The following CNTNAP4 variants were observed in gnomAD, a reference collection of about 807,000 sequenced individuals.
CNTNAP4 encodes contactin associated protein family member 4.
Under a neutral mutation model 148.4 loss-of-function variants are expected in CNTNAP4, and 98 were observed. The ratio of observed to expected loss-of-function variants is 0.66; its 90% CI spans 0.56 to 0.78. CNTNAP4 has a LOEUF of 0.78. CNTNAP4 is among the 30% of genes least tolerant of loss of function. The probability of loss-of-function intolerance (pLI) is 0.00; values close to 1 mark genes in which losing one functional copy is unlikely to be tolerated. For synonymous variants in CNTNAP4, 730 were observed against 565.1 expected, an observed-to-expected ratio of 1.29 and a Z score of -4.14; for missense variants, 1,935 against 1,565.6, an observed-to-expected ratio of 1.24 and a Z score of -3.98.
rs573585989 is a variant in CNTNAP4, at chr16:76,388,086, A to C, written c.390+32575A>C. 5.3e-5 allele frequency among the ~76,000 whole-genome samples: 8 copies of C among 152,334 alleles called. No homozygotes were observed. In the East Asian group the frequency reaches 1.5e-3, roughly 29 times the overall value. On this transcript the variant is annotated intron_variant, in intron 3 of 23. Transcript: ENST00000611870. ...TACCATCAGTCACTGACTTGAGAGA[A>C]TACATGAAAATCACCCTTAAGTGTG...
intron 3 of CNTNAP4, among the ~76,000 whole-genome samples, chr16:76,408,748 A>G (rs563065864): frequency 6.6e-6 from 1 of 152,110 alleles, no homozygotes; most frequent in South Asian, 2.1e-4. Flanking sequence ...TTTTATTATT[A>G]CTATTTTTTT....
intron 21 of CNTNAP4, among the ~76,000 whole-genome samples, chr16:76,543,279 A>C (rs1281148823): frequency 6.6e-6 from 1 of 152,220 alleles, no homozygotes; most frequent in Non-Finnish European, 1.5e-5. Context: ...ACTTGTGGTC[A>C]AATTTTGTGT....
chr16:76,458,502 G>C (rs2080818867), intron 8 of CNTNAP4, among the ~76,000 whole-genome samples: 1 of 152,062 alleles, frequency 6.6e-6, no homozygotes, highest in African/African-American at 2.4e-5. Context: ...CAACTAGATT[G>C]ACCCATCTGG....
chr16:76,399,710 TAAA>T (rs2078335104), intron 3 of CNTNAP4, among the ~76,000 whole-genome samples: 1 of 152,200 alleles, frequency 6.6e-6, no homozygotes, highest in Admixed American at 6.5e-5. Context: ...TAATAGAAGT[TAAA>T]AAGAAATCTA....
chr16:76,450,668 G>A (rs937155563), intron 7 of CNTNAP4, among the ~76,000 whole-genome samples: 1 of 152,198 alleles, frequency 6.6e-6, no homozygotes, highest in African/African-American at 2.4e-5. Flanking sequence ...ACTACCGCAA[G>A]CAAATACAGG....
intron 1 of CNTNAP4, among the ~76,000 whole-genome samples, chr16:76,305,894 A>G (rs1451031311): frequency 6.6e-6 from 1 of 152,164 alleles, no homozygotes; most frequent in Non-Finnish European, 1.5e-5. Context: ...CTCACTTATA[A>G]GTGAGAATAT....
chr16:76,460,689 C>T (rs8063992), intron 8 of CNTNAP4, among the ~76,000 whole-genome samples: 44,917 of 128,186 alleles, frequency 0.35, 8,616 homozygotes, highest in Middle Eastern at 0.49. Context: ...GGAGGCAGAG[C>T]TTGCAGTGAG....
At chr16:76,360,622 C>T (rs1388116781) in intron 3 of CNTNAP4, among the ~76,000 whole-genome samples, 2 of 152,198 alleles carry the variant, frequency 1.3e-5, no homozygotes, top group Non-Finnish European at 2.9e-5. Flanking sequence ...TTGCTTAGTA[C>T]TTGGCAAATG....
chr16:76,467,901 T>C (rs2081233974), intron 10 of CNTNAP4, among the ~76,000 whole-genome samples: 1 of 152,216 alleles, frequency 6.6e-6, no homozygotes, highest in South Asian at 2.1e-4. Context: ...TTTGAGACTA[T>C]GTAGTCAGTT....
chr16:76,411,433 C>T (rs1465378242), intron 3 of CNTNAP4, among the ~76,000 whole-genome samples: 30 of 151,244 alleles, frequency 2.0e-4, no homozygotes, highest in Admixed American at 1.6e-3. Context: ...GTGGGGAATT[C>T]AGTAGTTTTC....
At chr16:76,556,384 A>T (rs1253914752) in intron 23 of CNTNAP4, among the ~76,000 whole-genome samples, 1 of 152,200 alleles carries the variant, frequency 6.6e-6, no homozygotes, top group Non-Finnish European at 1.5e-5. Context: ...TTGGTATAAC[A>T]CGTGTGATCA....
At chr16:76,425,715 T>C (rs965306850) in intron 3 of CNTNAP4, among the ~76,000 whole-genome samples, 1 of 152,126 alleles carries the variant, frequency 6.6e-6, no homozygotes, top group African/African-American at 2.4e-5. Context: ...GGGAAAGAAC[T>C]TTCAGAGCAG....
At chr16:76,540,571 T>A (rs1295175219) in intron 20 of CNTNAP4, 132 bp from the exon 21 acceptor site, 6 of 380,614 alleles carry the variant, frequency 1.6e-5, no homozygotes, top group Non-Finnish European at 2.7e-5. Context: ...TAAATTTTGT[T>A]TTTTTCTAAA....
At chr16:76,548,466 A>G (rs187475274) in intron 21 of CNTNAP4, among the ~76,000 whole-genome samples, 1 of 151,578 alleles carries the variant, frequency 6.6e-6, no homozygotes, top group Admixed American at 6.6e-5. Context: ...ACTCCTTGTA[A>G]TTGTTCTTAC....
chr16:76,335,743 A>G (rs755152158), intron 2 of CNTNAP4, among the ~76,000 whole-genome samples: 3 of 152,198 alleles, frequency 2.0e-5, no homozygotes, highest in Non-Finnish European at 4.4e-5. Context: ...CCATGTGACA[A>G]GAACCCCTTA....
At chr16:76,556,043 G>A (rs1309663019) in intron 23 of CNTNAP4, among the ~76,000 whole-genome samples, 1 of 152,118 alleles carries the variant, frequency 6.6e-6, no homozygotes, top group Non-Finnish European at 1.5e-5. Context: ...CTCATAAATT[G>A]CACCCACTAT....
chr16:76,471,473 C>T (rs924662868), intron 10 of CNTNAP4, among the ~76,000 whole-genome samples: 1 of 152,132 alleles, frequency 6.6e-6, no homozygotes, highest in Non-Finnish European at 1.5e-5. Flanking sequence ...AAGCACAGCA[C>T]CCACCTCCTG....
chr16:76,553,437 G>C lies in CNTNAP4; in HGVS notation c.3597G>C (p.Glu1199Asp), dbSNP rs377600807. Residue 1199 changes from glutamate (E) to aspartate (D), a missense_variant, in exon 22 of 24, where the codon GAG becomes GAC. Transcript: ENST00000611870. ...DPVTVTGHVTESSCMAQPGTD... is the reference protein window; with the variant it reads ...DPVTVTGHVTDSSCMAQPGTD... ...TCACTGTTACAGGACACGTGACTGA[G>C]TCCAGCTGTATGGCCCAGCCTGGCA... 1.2e-5 allele frequency: 19 copies of C among 1,612,776 alleles called. No individual in the cohort carries two copies. In the African/African-American group the frequency reaches 2.3e-4, roughly 19 times the overall value.
intron 12 of CNTNAP4, among the ~76,000 whole-genome samples, chr16:76,488,384 T>C (rs1257497308): frequency 6.6e-6 from 1 of 152,074 alleles, no homozygotes; most frequent in Non-Finnish European, 1.5e-5. Context: ...AATACAAAAA[T>C]AACAGCTATT....
Sources: allele counts gnomAD v4.1 joint callset (sites outside exome capture counted in the v4.1 genomes callset), GRCh38; gene constraint gnomAD v4.1.1; transcripts MANE v1.5; gene names NCBI Gene and HGNC (gene_info 2026-07-23, HGNC 2026-07-21).